Variants in KIF16B observed in about 807,000 individuals in gnomAD.
The protein encoded by KIF16B is kinesin-like protein KIF16B.
KIF16B carries 98 observed loss-of-function variants against 156.3 expected under a neutral mutation model. The observed-to-expected ratio is 0.63, with a 90% CI of 0.53 to 0.74. The LOEUF is 0.74. KIF16B is among the 30% of genes least tolerant of loss of function. The probability of loss-of-function intolerance (pLI) is 0.00; values close to 1 mark genes in which losing one functional copy is unlikely to be tolerated. For missense variants in KIF16B, 1,421 were observed against 1,606.5 expected (o/e 0.88, Z 1.97); for synonymous variants, 564 against 583.7 (o/e 0.97, Z 0.49).
At chr20:16,512,679 C>T (rs1026840859) in intron 5 of KIF16B, 147 bp downstream of exon 5, 18 of 571,234 alleles carry the variant, frequency 3.2e-5, no homozygotes, top group Middle Eastern at 4.5e-4. Context: ...TAAGCTTTAT[C>T]CCCAAACCAT....
At chr20:16,357,016 C>T (rs1289140309) in intron 22 of KIF16B, among the ~76,000 whole-genome samples, 2 of 152,144 alleles carry the variant, frequency 1.3e-5, no homozygotes, top group African/African-American at 4.8e-5. Context: ...CTCAACTTGG[C>T]TCTGACAAAT....
intron 25 of KIF16B, among the ~76,000 whole-genome samples, chr20:16,307,734 C>A (rs1161779591): frequency 6.6e-6 from 1 of 152,000 alleles, no homozygotes; most frequent in African/African-American, 2.4e-5. Flanking sequence ...AATTGTCATT[C>A]ATTGTGCCAA....
intron 15 of KIF16B, among the ~76,000 whole-genome samples, chr20:16,410,547 T>C (rs1473445400): frequency 2.0e-5 from 3 of 151,988 alleles, no homozygotes; most frequent in Non-Finnish European, 2.9e-5. Flanking sequence ...TATACACTTA[T>C]AGAGAGTCCT....
intron 12 of KIF16B, among the ~76,000 whole-genome samples, chr20:16,476,226 A>T (rs1013069825): frequency 6.6e-6 from 1 of 151,522 alleles, no homozygotes; most frequent in African/African-American, 2.4e-5. Context: ...ATTTAAATGC[A>T]TATTATAAAA....
chr20:16,546,788 T>C (rs2070422875), intron 1 of KIF16B, among the ~76,000 whole-genome samples: 1 of 152,160 alleles, frequency 6.6e-6, no homozygotes, highest in Non-Finnish European at 1.5e-5. Context: ...TATTTATTTA[T>C]TTACTTCAGA....
Position 16,368,916 on chromosome 20 carries a change from T to C in KIF16B, c.3498+1670A>G, listed in dbSNP as rs1427866124. The C allele has an allele frequency of 2.8e-5, 28 of 985,768 alleles. No homozygotes were observed. The South Asian group carries it at 1.2e-3, about 41-fold the overall frequency. The allele number at this position is 985,768 out of a possible 1,614,324, so 61.1% of individuals were successfully genotyped here. A position where few individuals can be genotyped will look rare whatever the true frequency, so the allele number is the denominator to read the frequency against. ...GAGTCATCAGCTCACTGAAATTTTCTGACTGACTCTGAAAATCTTCTGCAT... is the reference window on the plus strand; with the variant it reads ...GAGTCATCAGCTCACTGAAATTTTCCGACTGACTCTGAAAATCTTCTGCAT... On this transcript the variant is annotated intron_variant, in intron 22 of 25. Transcript: ENST00000354981.
intron 4 of KIF16B, 112 bp from the exon 5 acceptor site, chr20:16,513,035 C>T: frequency 1.4e-6 from 1 of 722,836 alleles, no homozygotes; most frequent in Non-Finnish European, 2.4e-6. Flanking sequence ...ATGCCAACCC[C>T]TGGCCTACCA....
intron 15 of KIF16B, among the ~76,000 whole-genome samples, chr20:16,418,188 A>G (rs1405301705): frequency 6.6e-6 from 1 of 152,188 alleles, no homozygotes; most frequent in Non-Finnish European, 1.5e-5. Flanking sequence ...AGAGAAAAAA[A>G]GGGGTTAAAC....
chr20:16,273,320 GTA>G lies in KIF16B; in HGVS notation c.3885_3886del (p.Thr1296HisfsTer3), dbSNP rs2063009344. 1 of 1,613,734 alleles carries G rather than the reference GTA, an allele frequency of 6.2e-7. No individual in the cohort carries two copies. Among genetic ancestry groups the G allele is most frequent in the East Asian group, 2.2e-5 (1 of 44,874 alleles). ...GAAGAATGGTGAAAACTCACAAATG[GTA>G]TGTTTCGAGAGAGTCAGTCCCACTT... On this transcript the variant is annotated frameshift_variant, in exon 26 of 26. Transcript: ENST00000354981. LOFTEE classifies it high-confidence loss of function.
intron 15 of KIF16B, among the ~76,000 whole-genome samples, chr20:16,417,678 GATAAGAT>G (rs1391432114): frequency 1.3e-5 from 2 of 151,916 alleles, no homozygotes; most frequent in Non-Finnish European, 2.9e-5. Flanking sequence ...TTTCAACAAA[GATAAGAT>G]ATAAAGAAGA....
chr20:16,446,317 A>C (rs7271622), intron 12 of KIF16B, among the ~76,000 whole-genome samples: 10,264 of 152,238 alleles, frequency 0.067, 1,065 homozygotes, highest in African/African-American at 0.22. Context: ...ACTTTGGCAG[A>C]CCTGTGGTCA....
chr20:16,378,733 C>T, intron 19 of KIF16B, 72 bp downstream of exon 19: 1 of 1,370,516 alleles, frequency 7.3e-7, no homozygotes, highest in Non-Finnish European at 9.9e-7. Context: ...AGGATAAACA[C>T]AACATGAGGA....
rs111978515 is a variant in KIF16B, at chr20:16,542,117, TG to T, written c.48-13678del. On this transcript the variant is annotated intron_variant, in intron 1 of 25. Coordinates refer to ENST00000354981, the MANE Select transcript of KIF16B (RefSeq NM_024704.5). ...CCAGCAGAGGCAGAGAGGCCTGAGC[TG>T]GGGCTACCGAGCTAGACAGAAGGCA... is the stretch of plus-strand genomic sequence containing the variant. 6.0e-3 allele frequency among the ~76,000 whole-genome samples: 920 copies of T among 152,310 alleles called. 10 individuals are homozygous for T. The highest frequency in any genetic ancestry group is 0.021 in the African/African-American group (872 of 41,574).
At position 16,563,714 on chromosome 20, in the gene KIF16B, T is replaced by C. The variant is rs117195020; in HGVS notation, c.47+9515A>G. ...CACTCCACTCTCATGCTCACACAGT[T>C]TCCATGTTTAAAATAAAGCAACAGA... On this transcript the variant is annotated intron_variant, in intron 1 of 25. Coordinates refer to ENST00000354981, the MANE Select transcript of KIF16B (RefSeq NM_024704.5). Among the ~76,000 whole-genome samples the C allele has an allele frequency of 2.7e-4, 41 of 152,284 alleles. No individual in the cohort carries two copies. In the East Asian group the frequency reaches 4.4e-3, roughly 16 times the overall value.
chr20:16,502,695 A>G (rs1292466444), intron 10 of KIF16B, among the ~76,000 whole-genome samples: 4 of 152,220 alleles, frequency 2.6e-5, no homozygotes, highest in Admixed American at 2.0e-4. Flanking sequence ...AAGTTTCAAT[A>G]AATTAAAGGT....
intron 15 of KIF16B, among the ~76,000 whole-genome samples, chr20:16,408,975 G>A (rs1458830424): frequency 6.6e-6 from 1 of 152,046 alleles, no homozygotes; most frequent in Non-Finnish European, 1.5e-5. Flanking sequence ...TAAACATGGG[G>A]GATACAGAGT....
intron 12 of KIF16B, among the ~76,000 whole-genome samples, chr20:16,489,137 A>G (rs1555194): frequency 0.42 from 63,376 of 152,008 alleles, 13,891 homozygotes; most frequent in African/African-American, 0.56. Context: ...GGCATGAGGG[A>G]GTATTTCCCG....
intron 25 of KIF16B, among the ~76,000 whole-genome samples, chr20:16,307,259 A>G (rs997872599): frequency 6.6e-6 from 1 of 152,210 alleles, no homozygotes; most frequent in African/African-American, 2.4e-5. Flanking sequence ...TAAAATGATT[A>G]GTAGAAATAT....
chr20:16,455,894 T>C (rs2067199387), intron 12 of KIF16B, among the ~76,000 whole-genome samples: 2 of 152,104 alleles, frequency 1.3e-5, no homozygotes, highest in Admixed American at 1.3e-4. Flanking sequence ...TTTCCAGCCC[T>C]TTCCTCCATA....
Sources: gnomAD v4.1 joint callset for allele counts (sites outside exome capture counted in the v4.1 genomes callset) on GRCh38, gnomAD v4.1.1 for gene constraint, MANE v1.5 for transcripts, NCBI Gene and HGNC (gene_info 2026-07-23, HGNC 2026-07-21) for gene names.